Variants in USP36 observed in about 807,000 individuals in gnomAD.
USP36 encodes ubiquitin carboxyl-terminal hydrolase 36.
USP36 carries 59 observed loss-of-function variants against 111.5 expected under a neutral mutation model. That is an observed-to-expected ratio of 0.53 (90% CI 0.43 to 0.66). USP36 has a LOEUF of 0.66. Ranked by LOEUF, USP36 falls within the 30% of genes least tolerant of loss-of-function variation. The pLI is 0.00. For missense variants in USP36, 1,488 were observed against 1,468.0 expected (o/e 1.01, Z -0.22); for synonymous variants, 628 against 581.0 (o/e 1.08, Z -1.16).
downstream of USP36, among the ~76,000 whole-genome samples, chr17:78,793,503 C>T (rs764744735): frequency 2.2e-4 from 34 of 152,152 alleles, no homozygotes; most frequent in East Asian, 3.9e-4. Context: ...CAAGCCAAGG[C>T]GGGATCTGCA....
rs763408313 is a variant in USP36 at position 78,806,190 on chromosome 17, C to T, written c.2182G>A (p.Val728Ile). The T allele has an allele frequency of 2.7e-5, 43 of 1,613,066 alleles. No homozygotes were observed. Among genetic ancestry groups the T allele is most frequent in the Admixed American group, 1.0e-4 (6 of 59,848 alleles). ...TGGACGGGCCAAGTGGAGGCAACGA[C>T]GGGGTGAGAGGTTTTCATGGGGTGG... Reference protein sequence around the residue: ...LTHPMKTSHPVVASTWPVHRA... With the variant: ...LTHPMKTSHPIVASTWPVHRA... The change falls in exon 15 of 21, where the codon GTC (valine) becomes ATC (isoleucine). Residue 728 changes from valine to isoleucine, a missense_variant. By Grantham distance (29) the Val-to-Ile change is conservative. Around this residue, in one of 3 missense-constraint regions of USP36, gnomAD observed 1,073 missense variants for 994.1 expected, o/e 1.08. Coordinates refer to ENST00000449938, the MANE Select transcript of USP36 (RefSeq NM_001385174.1).
chr17:78,789,197 C>A (rs1423679190), intron 3 of USP36, among the ~76,000 whole-genome samples: 55 of 65,880 alleles, frequency 8.3e-4, no homozygotes, highest in Non-Finnish European at 1.1e-3. Context: ...AACTTGGTCC[C>A]AAAAAAAAAA....
chr17:78,827,197 T>C (rs1856478948), intron 6 of USP36, 48 bp downstream of exon 6: 1 of 1,296,068 alleles, frequency 7.7e-7, no homozygotes, highest in East Asian at 4.5e-5. Context: ...TGCCACCATG[T>C]AGAAAAGGTG....
chr17:78,828,815 G>A, intron 5 of USP36, 82 bp downstream of exon 5: 2 of 1,375,730 alleles, frequency 1.5e-6, no homozygotes, highest in Non-Finnish European at 2.0e-6. Context: ...GACCAGCCTG[G>A]GCAACATAGC....
At chr17:78,802,214 G>A (rs1463792693) in intron 17 of USP36, 110 bp downstream of exon 17, 15 of 1,234,870 alleles carry the variant, frequency 1.2e-5, no homozygotes, top group Admixed American at 5.0e-5. Context: ...CTCGCCCAGT[G>A]CACGCCCATG....
rs2069221116 is a variant in USP36 at position 78,840,742 on chromosome 17, CT to C, written c.-181del. On this transcript the variant is annotated 5_prime_UTR_variant, in exon 1 of 21. The change creates a premature stop within an existing upstream ORF in the 5' untranslated region. Transcript: ENST00000449938. ...CGACCCGACCCCAGCCTACCCCGGC[CT>C]CTCCGCGGGCGCGCCACAAGCCTAC... The C allele has an allele frequency of 6.6e-6, 1 of 152,588 alleles. No individual in the cohort carries two copies. Among genetic ancestry groups the C allele is most frequent in the Non-Finnish European group, 1.5e-5 (1 of 68,410 alleles). 9.5% of individuals were successfully genotyped at this position (152,588 alleles called of 1,614,324 possible).
chr17:78,839,621 CTT>C (rs2069053596), intron 1 of USP36, among the ~76,000 whole-genome samples: 1 of 152,204 alleles, frequency 6.6e-6, no homozygotes, highest in African/African-American at 2.4e-5. Flanking sequence ...AGATAAGTAA[CTT>C]TGAACTTAAC....
chr17:78,794,606 AGT>A (rs2093607924), downstream of USP36, among the ~76,000 whole-genome samples: 1 of 152,100 alleles, frequency 6.6e-6, no homozygotes, highest in Non-Finnish European at 1.5e-5. Flanking sequence ...AAGTGGCCCT[AGT>A]GTTTGGGAAA....
Position 78,835,879 on chromosome 17 carries a change from G to T in USP36, c.253+232C>A, listed in dbSNP as rs969432720. The T allele has an allele frequency of 5.9e-5, 38 of 642,800 alleles. No individual in the cohort carries two copies. In the African/African-American group the frequency reaches 6.4e-4, roughly 11 times the overall value. 39.8% of individuals were successfully genotyped at this position (642,800 alleles called of 1,614,324 possible). On this transcript the variant is annotated intron_variant, in intron 3 of 20. Transcript: ENST00000449938. ...GACTGTATTATACTTGGGATAGGGG[G>T]ACAGCAAGTCCAAGGACCCACCAAG...
intron 13 of USP36, among the ~76,000 whole-genome samples, chr17:78,808,113 A>G (rs1170173952): frequency 1.3e-5 from 2 of 152,258 alleles, no homozygotes; most frequent in Admixed American, 1.3e-4. Flanking sequence ...TCCATCACCT[A>G]AACATAACCA....
chr17:78,807,307 G>A lies in USP36; in HGVS notation c.1737C>T (p.Leu579=), dbSNP rs1439887954. The change falls in exon 14 of 21, where the codon CTC becomes CTT. Residue 579 remains leucine (L), a synonymous_variant. Coordinates refer to ENST00000449938, the MANE Select transcript of USP36 (RefSeq NM_001385174.1). ...QGSWDSRDVV[L]STSPKLLATA... Reference sequence around the variant, plus strand: ...TAGCCAGGAGCTTAGGTGAGGTAGAGAGGACAACATCCCTGCTGTCCCAGG... The same window carrying A: ...TAGCCAGGAGCTTAGGTGAGGTAGAAAGGACAACATCCCTGCTGTCCCAGG... 11 of 1,614,104 alleles carry A rather than the reference G, an allele frequency of 6.8e-6. No individual in the cohort carries two copies. Among genetic ancestry groups the A allele is most frequent in the Middle Eastern group, 1.6e-4 (1 of 6,084 alleles).
intron 4 of USP36, among the ~76,000 whole-genome samples, chr17:78,830,872 T>A (rs2068019948): frequency 6.6e-6 from 1 of 151,970 alleles, no homozygotes; most frequent in Admixed American, 6.6e-5. Flanking sequence ...TTATTACTTT[T>A]ATTTTTAAAA....
chr17:78,799,135 G>A, intron 18 of USP36, 112 bp from the exon 19 acceptor site: 1 of 1,052,628 alleles, frequency 9.5e-7, no homozygotes, highest in Non-Finnish European at 1.4e-6. Flanking sequence ...CAACAATTTT[G>A]AGTGCCACCT....
intron 9 of USP36, among the ~76,000 whole-genome samples, chr17:78,819,610 G>T (rs899894045): frequency 1.3e-5 from 2 of 152,258 alleles, no homozygotes; most frequent in African/African-American, 4.8e-5. Flanking sequence ...ACGTCCTCTT[G>T]GTGTGGCCCC....
chr17:78,804,711 A>G (rs1050016414), intron 15 of USP36, among the ~76,000 whole-genome samples: 1 of 150,996 alleles, frequency 6.6e-6, no homozygotes, highest in Non-Finnish European at 1.5e-5. Context: ...TTTAAAAGGC[A>G]AAGTTAATAA....
At chr17:78,821,515 C>A (rs2094331691) in intron 7 of USP36, among the ~76,000 whole-genome samples, 1 of 146,400 alleles carries the variant, frequency 6.8e-6, no homozygotes, top group Admixed American at 6.9e-5. Context: ...GCAACCTCCA[C>A]CTCTTGGGTT....
rs139205429 is a variant in USP36 at position 78,825,017 on chromosome 17, G to C, written c.689+2228C>G. ...ACCACCTGTATAGAGCAAAACTAGAGGAGATGCAAGGAGACAGGCACCCAC... is the reference window on the plus strand; with the variant it reads ...ACCACCTGTATAGAGCAAAACTAGACGAGATGCAAGGAGACAGGCACCCAC... On this transcript the variant is annotated intron_variant, in intron 6 of 20. Transcript: ENST00000449938. Among the ~76,000 whole-genome samples, 504 of 152,318 alleles carry C rather than the reference G, an allele frequency of 3.3e-3. 1 individual carries two copies. Among genetic ancestry groups the C allele is most frequent in the African/African-American group, 0.011 (465 of 41,558 alleles).
Position 78,835,556 on chromosome 17 carries a change from G to A in USP36, c.254-55C>T, listed in dbSNP as rs1417889254. The A allele has an allele frequency of 3.3e-6, 5 of 1,527,884 alleles. No individual in the cohort carries two copies. The African/African-American group carries it at 5.5e-5, about 17-fold the overall frequency. 94.6% of individuals were successfully genotyped at this position (1,527,884 alleles called of 1,614,324 possible). On this transcript the variant is annotated intron_variant, in intron 3 of 20. Coordinates refer to ENST00000449938, the MANE Select transcript of USP36 (RefSeq NM_001385174.1). ...GAGGAAGACGTAAGTCCACACACAG[G>A]TCGTCCACAAAAAGAAACTCCTGAA...
intron 13 of USP36, among the ~76,000 whole-genome samples, chr17:78,811,302 G>C (rs751684056): frequency 2.0e-5 from 3 of 152,126 alleles, no homozygotes; most frequent in Non-Finnish European, 4.4e-5. Flanking sequence ...TTAGAGGGTA[G>C]TTCCTAATGG....
Sources: gnomAD v4.1 joint callset for allele counts (sites outside exome capture counted in the v4.1 genomes callset) on GRCh38, gnomAD v4.1.1 for gene constraint, gnomAD v4.1.1 regional missense constraint, MANE v1.5 for transcripts, NCBI Gene and HGNC (gene_info 2026-07-23, HGNC 2026-07-21) for gene names.